The following GARNL3 variants were observed in gnomAD, a reference collection of about 807,000 sequenced individuals.
GARNL3 encodes GTPase activating Rap/RanGAP domain like 3, also known as GTPase-activating Rap/Ran-GAP domain-like protein 3.
GARNL3 carries 63 observed loss-of-function variants against 125.0 expected under a neutral mutation model. That is an observed-to-expected ratio of 0.50 (90% CI 0.41 to 0.62). The LOEUF is 0.62. GARNL3 is among the 20% of genes least tolerant of loss of function. GARNL3 has a pLI of 0.00. For synonymous variants in GARNL3, 439 were observed against 457.5 expected (o/e 0.96, Z 0.52); for missense variants, 994 against 1,244.0 (o/e 0.80, Z 3.02).
intron 22 of GARNL3, among the ~76,000 whole-genome samples, chr9:127,373,544 C>T (rs1245053789): frequency 6.6e-6 from 1 of 152,158 alleles, no homozygotes; most frequent in Non-Finnish European, 1.5e-5. Context: ...GCAGGAGGAT[C>T]TCTTGAGGCC....
At chr9:127,370,450 C>T (rs1039843120) in intron 22 of GARNL3, among the ~76,000 whole-genome samples, 23 of 151,974 alleles carry the variant, frequency 1.5e-4, no homozygotes, top group Non-Finnish European at 3.4e-4. Flanking sequence ...AAGGGGAGAG[C>T]CTCCTTCAGT....
At position 127,384,746 on chromosome 9, in the gene GARNL3, G is replaced by T. The variant is rs1425539588; in HGVS notation, c.2270-281G>T. Among the ~76,000 whole-genome samples the T allele has an allele frequency of 6.6e-6, 1 of 152,244 alleles. No homozygotes were observed. The highest frequency in any genetic ancestry group is 2.1e-4 in the South Asian group (1 of 4,830). ...CTATGGCAAGTGAGCTGCCTCGCTG[G>T]AAGATCAGGCAGTGGGGTTTCCATG... On this transcript the variant is annotated intron_variant, in intron 23 of 27. Transcript: ENST00000373387. The surrounding 1 kb of genome is among the most constrained non-coding windows in gnomAD (Gnocchi z 4.0).
chr9:127,344,725 T>C (rs1480635730), intron 15 of GARNL3, among the ~76,000 whole-genome samples: 3 of 152,130 alleles, frequency 2.0e-5, no homozygotes, highest in Admixed American at 6.5e-5. Flanking sequence ...AGAGTGGCAG[T>C]GGCACTCACA....
At chr9:127,356,266 G>A (rs1369078157) in intron 20 of GARNL3, among the ~76,000 whole-genome samples, 1 of 152,210 alleles carries the variant, frequency 6.6e-6, no homozygotes, top group Admixed American at 6.5e-5. Flanking sequence ...GGCAAGAAAG[G>A]TTGGTGGCTT....
chr9:127,320,870 G>C, intron 6 of GARNL3, 92 bp downstream of exon 6: 1 of 842,592 alleles, frequency 1.2e-6, no homozygotes, highest in South Asian at 1.6e-5. Flanking sequence ...ATCCTGGGAT[G>C]CAAAGCCAAA....
At chr9:127,317,371 T>C (rs1299224331) in intron 4 of GARNL3, among the ~76,000 whole-genome samples, 1 of 152,216 alleles carries the variant, frequency 6.6e-6, no homozygotes, top group Non-Finnish European at 1.5e-5. Context: ...TTGGGTCCCA[T>C]TGAACATGTG....
At chr9:127,261,838 G>A (rs958182888), upstream of GARNL3, among the ~76,000 whole-genome samples, 12 of 152,154 alleles carry the variant, frequency 7.9e-5, no homozygotes, top group Non-Finnish European at 1.6e-4. Flanking sequence ...GAGGCCCTTG[G>A]TCTCTAGATT....
chr9:127,354,326 A>G lies in GARNL3; in HGVS notation c.1675A>G (p.Ser559Gly). Residue 559 changes from serine to glycine, a missense_variant, in exon 19 of 28, where the codon AGT becomes GGT. By Grantham distance (56) the Ser-to-Gly change is moderately conservative (BLOSUM62 0). Around this residue, in one of 5 missense-constraint regions of GARNL3, gnomAD observed 728 missense variants for 865.7 expected, o/e 0.84. Coordinates refer to ENST00000373387, the MANE Select transcript of GARNL3 (RefSeq NM_032293.5). ...KDARLFVFRLSALQKGLEGKQ... is the reference protein window; with the variant it reads ...KDARLFVFRLGALQKGLEGKQ... Reference sequence around the variant, plus strand: ...TGCTCGCCTCTTTGTCTTCAGGCTAAGTGCTCTGCAAAAGGGCCTTGAGGG... The same window carrying G: ...TGCTCGCCTCTTTGTCTTCAGGCTAGGTGCTCTGCAAAAGGGCCTTGAGGG... The G allele has an allele frequency of 6.2e-7, 1 of 1,613,940 alleles. No individual in the cohort carries two copies. The highest frequency in any genetic ancestry group is 8.5e-7 in the Non-Finnish European group (1 of 1,179,856).
At chr9:127,391,552 A>ATATATATATATATATATATG (rs1292380673) in intron 27 of GARNL3, among the ~76,000 whole-genome samples, 1 of 129,036 alleles carries the variant, frequency 7.7e-6, no homozygotes, top group African/African-American at 2.9e-5. Context: ...ATATATATAT[A>ATATATATATATATATATATG]GGCTGGGTCT....
chr9:127,262,073 A>C (rs906047629), upstream of GARNL3, among the ~76,000 whole-genome samples: 3 of 152,110 alleles, frequency 2.0e-5, no homozygotes, highest in Non-Finnish European at 4.4e-5. Context: ...CTACCATCTA[A>C]TATAGATTTC....
rs919843996 is a variant in GARNL3, at chr9:127,278,635, G to A, written c.145-12533G>A. ...ACTTCACAAATGTTGATCTGTTATC[G>A]TGTTAGTTTCCTAGGCCTGCTGTAA... On this transcript the variant is annotated intron_variant, in intron 1 of 27. Transcript: ENST00000373387. Among the ~76,000 whole-genome samples, 7 of 152,202 alleles carry A rather than the reference G, an allele frequency of 4.6e-5. No individual in the cohort carries two copies. In the East Asian group the frequency reaches 5.8e-4, roughly 13 times the overall value.
intron 24 of GARNL3, 53 bp from the exon 25 acceptor site, chr9:127,387,140 A>G: frequency 6.4e-7 from 1 of 1,572,120 alleles, no homozygotes; most frequent in Admixed American, 1.8e-5. Context: ...GGGCCAGTGG[A>G]TGCAAGGCCT....
intron 4 of GARNL3, among the ~76,000 whole-genome samples, chr9:127,314,094 C>T (rs1485892083): frequency 6.6e-6 from 1 of 152,156 alleles, no homozygotes; most frequent in Non-Finnish European, 1.5e-5. Flanking sequence ...GCCCCTGAAA[C>T]CCACAGTGCC....
intron 21 of GARNL3, chr9:127,362,687 G>A (rs1257123660): frequency 6.6e-6 from 1 of 152,440 alleles, no homozygotes; most frequent in African/African-American, 2.4e-5. Flanking sequence ...TCAAAGTGGT[G>A]GGGCCAGGAA....
chr9:127,341,795 A>G (rs1022899942), intron 13 of GARNL3, among the ~76,000 whole-genome samples: 12 of 152,190 alleles, frequency 7.9e-5, no homozygotes, highest in African/African-American at 2.9e-4. Context: ...GGCTGGGTTG[A>G]TTTGACATTG....
intron 21 of GARNL3, among the ~76,000 whole-genome samples, chr9:127,357,948 C>T (rs1437738573): frequency 1.3e-5 from 2 of 152,130 alleles, no homozygotes; most frequent in Non-Finnish European, 2.9e-5. Flanking sequence ...GTGGGTACTG[C>T]ACCCTCCCTA....
At chr9:127,290,925 A>G (rs975960817) in intron 1 of GARNL3, among the ~76,000 whole-genome samples, 6 of 112,830 alleles carry the variant, frequency 5.3e-5, no homozygotes, top group Non-Finnish European at 1.1e-4. Flanking sequence ...ATGTGTTCCA[A>G]TTAAAATGTG....
chr9:127,285,208 G>C (rs974888951), intron 1 of GARNL3, among the ~76,000 whole-genome samples: 1 of 152,182 alleles, frequency 6.6e-6, no homozygotes, highest in Non-Finnish European at 1.5e-5. Context: ...GAGGTGGGCG[G>C]ATCACCTGAG....
intron 3 of GARNL3, 171 bp from the exon 4 acceptor site, chr9:127,313,270 G>A (rs921705613): frequency 1.6e-6 from 1 of 624,000 alleles, no homozygotes; most frequent in African/African-American, 1.8e-5. Flanking sequence ...CTAGCAAGGG[G>A]CAGAGGAATA....
Sources: allele counts gnomAD v4.1 joint callset (sites outside exome capture counted in the v4.1 genomes callset), GRCh38; gene constraint gnomAD v4.1.1; regional missense constraint gnomAD v4.1.1; non-coding constraint Gnocchi (gnomAD v3.1); transcripts MANE v1.5; gene names NCBI Gene and HGNC (gene_info 2026-07-23, HGNC 2026-07-21).